The following ADAMTS18 variants were observed in gnomAD, a reference collection of about 807,000 sequenced individuals.
The protein encoded by ADAMTS18 is A disintegrin and metalloproteinase with thrombospondin motifs 18.
ADAMTS18 carries 157 observed loss-of-function variants against 165.9 expected under a neutral mutation model. That is an observed-to-expected ratio of 0.95 (90% confidence interval 0.83 to 1.08). ADAMTS18 has a LOEUF of 1.08. Among genes scored for constraint, ADAMTS18 ranks in the 50% least tolerant of loss-of-function variants. The pLI is 0.00. For synonymous variants in ADAMTS18, 782 were observed against 578.2 expected (o/e 1.35, Z -5.06); for missense variants, 2,040 against 1,534.0 (o/e 1.33, Z -5.51).
intron 3 of ADAMTS18, among the ~76,000 whole-genome samples, chr16:77,374,209 A>T (rs1382717928): frequency 7.0e-6 from 1 of 141,984 alleles, no homozygotes; most frequent in Non-Finnish European, 1.5e-5. Context: ...ACAGAGTGAG[A>T]CTCCATCTCA....
rs1417157258 is a variant in ADAMTS18 at position 77,283,176 on chromosome 16, C to A, written c.*780G>T. The A allele has an allele frequency of 2.0e-5, 3 of 152,434 alleles. No individual in the cohort carries two copies. The highest frequency in any genetic ancestry group is 4.4e-5 in the Non-Finnish European group (3 of 68,002). 9.4% of individuals were successfully genotyped at this position (152,434 alleles called of 1,614,324 possible). A position where few individuals can be genotyped will look rare whatever the true frequency, so the allele number is the denominator to read the frequency against. ...TTTCATGGACTGATTCAGCAAGCAC[C>A]AAAAGTTACGAGGTTGATAACATGT... On this transcript the variant is annotated 3_prime_UTR_variant, in exon 23 of 23. Transcript: ENST00000282849.
rs1349979850 is a variant in ADAMTS18, at chr16:77,283,338, T to C, written c.*618A>G. 1 of 152,970 alleles carries C rather than the reference T, an allele frequency of 6.5e-6. No individual in the cohort carries two copies. Among genetic ancestry groups the C allele is most frequent in the Non-Finnish European group, 1.5e-5 (1 of 68,336 alleles). The allele number at this position is 152,970 out of a possible 1,614,324, so 9.5% of individuals were successfully genotyped here. ...ACTTTTCAAGTTGTCAATTTTAGTCTCAGAGACTCTCTATAAGCAGAATAT... is the reference window on the plus strand; with the variant it reads ...ACTTTTCAAGTTGTCAATTTTAGTCCCAGAGACTCTCTATAAGCAGAATAT... On this transcript the variant is annotated 3_prime_UTR_variant, in exon 23 of 23. Transcript: ENST00000282849.
intron 12 of ADAMTS18, among the ~76,000 whole-genome samples, chr16:77,327,918 T>C (rs1197266391): frequency 6.6e-6 from 1 of 152,196 alleles, no homozygotes; most frequent in African/African-American, 2.4e-5. Context: ...CCAATCCAGC[T>C]GTCAGTCATA....
chr16:77,320,474 A>T (rs1033027978), intron 15 of ADAMTS18, among the ~76,000 whole-genome samples: 1 of 152,170 alleles, frequency 6.6e-6, no homozygotes, highest in Non-Finnish European at 1.5e-5. Flanking sequence ...CCCTACCTTT[A>T]CTAAAAATAC....
intron 3 of ADAMTS18, among the ~76,000 whole-genome samples, chr16:77,412,229 T>G (rs2057474093): frequency 6.6e-6 from 1 of 152,206 alleles, no homozygotes; most frequent in Non-Finnish European, 1.5e-5. Flanking sequence ...ACTCAGACTG[T>G]AACTCGTACC....
chr16:77,434,823 G>A lies in ADAMTS18; in HGVS notation c.-128C>T. 9.4e-6 allele frequency: 7 copies of A among 743,910 alleles called. No individual in the cohort carries two copies. Among genetic ancestry groups the A allele is most frequent in the Non-Finnish European group, 1.3e-5 (7 of 535,438 alleles). The allele number at this position is 743,910 out of a possible 1,614,324, so 46.1% of individuals were successfully genotyped here. ...GCGGCTCCAGGTGAGAGCCGCCGCC[G>A]TTCACATCGCAGCGGGGGCGCGCTG... On this transcript the variant is annotated 5_prime_UTR_variant, in exon 1 of 23. It adds an upstream start codon to the 5' untranslated region. Transcript: ENST00000282849.
At position 77,316,136 on chromosome 16, in the gene ADAMTS18, C is replaced by A. The variant is rs1237575748; in HGVS notation, c.2532+3713G>T. On this transcript the variant is annotated intron_variant, in intron 16 of 22. Transcript: ENST00000282849. ...TGCAAACAGATCCACTTCCTGCCACCTTCACAGTCACCATCTGTTTCAGCG... is the reference window on the plus strand; with the variant it reads ...TGCAAACAGATCCACTTCCTGCCACATTCACAGTCACCATCTGTTTCAGCG... Among the ~76,000 whole-genome samples the A allele has an allele frequency of 2.0e-5, 3 of 152,210 alleles. No individual in the cohort carries two copies. In the East Asian group the frequency reaches 5.8e-4, roughly 29 times the overall value.
intron 3 of ADAMTS18, among the ~76,000 whole-genome samples, chr16:77,406,353 C>T (rs1253824839): frequency 1.3e-5 from 2 of 152,026 alleles, no homozygotes; most frequent in South Asian, 4.1e-4. Context: ...TAGAGGGTAT[C>T]TCAAAAGAAA....
chr16:77,360,322 A>G (rs1477549353), intron 7 of ADAMTS18, among the ~76,000 whole-genome samples: 2 of 152,248 alleles, frequency 1.3e-5, no homozygotes, highest in Non-Finnish European at 2.9e-5. Flanking sequence ...GTATGTATTT[A>G]TAGCTTAGGA....
At chr16:77,409,718 A>G (rs541000769) in intron 3 of ADAMTS18, among the ~76,000 whole-genome samples, 1 of 152,298 alleles carries the variant, frequency 6.6e-6, no homozygotes, top group East Asian at 1.9e-4. Flanking sequence ...AGCTCAGCTA[A>G]AAGCTAGGCT....
intron 3 of ADAMTS18, among the ~76,000 whole-genome samples, chr16:77,373,724 AT>A (rs1411687391): frequency 1.3e-5 from 2 of 152,190 alleles, no homozygotes; most frequent in Admixed American, 6.5e-5. Flanking sequence ...AAATAAAAAA[AT>A]AACATGAAGA....
In ADAMTS18 at chr16:77,367,737, C is replaced by T; in HGVS notation, c.496-14G>A. On this transcript the variant is annotated splice_polypyrimidine_tract_variant and intron_variant, in intron 3 of 22. Coordinates refer to ENST00000282849, the MANE Select transcript of ADAMTS18 (RefSeq NM_199355.4). ...TATTAAACCTGACTAAAAAGCCAAACACAAAGCAAACAGTCATGATTCCAT... is the reference window on the plus strand; with the variant it reads ...TATTAAACCTGACTAAAAAGCCAAATACAAAGCAAACAGTCATGATTCCAT... The T allele has an allele frequency of 6.2e-7, 1 of 1,614,180 alleles. No homozygotes were observed. Among genetic ancestry groups the T allele is most frequent in the Non-Finnish European group, 8.5e-7 (1 of 1,180,022 alleles).
chr16:77,365,919 T>A (rs1208344346), intron 4 of ADAMTS18, among the ~76,000 whole-genome samples: 1 of 152,238 alleles, frequency 6.6e-6, no homozygotes, highest in African/African-American at 2.4e-5. Context: ...CACTTGTTTA[T>A]AAGGTTGTTG....
intron 3 of ADAMTS18, among the ~76,000 whole-genome samples, chr16:77,390,634 G>A (rs1430264818): frequency 6.6e-6 from 1 of 151,576 alleles, no homozygotes; most frequent in African/African-American, 2.4e-5. Context: ...AGGTTGCAGT[G>A]AGTGGAGATC....
chr16:77,348,417 C>A (rs984021931), intron 10 of ADAMTS18, among the ~76,000 whole-genome samples: 3 of 152,204 alleles, frequency 2.0e-5, no homozygotes, highest in Non-Finnish European at 4.4e-5. Flanking sequence ...AGTCTCCCAT[C>A]CGAGGCAGGC....
chr16:77,387,112 C>T (rs1294189562), intron 3 of ADAMTS18, among the ~76,000 whole-genome samples: 1 of 152,194 alleles, frequency 6.6e-6, no homozygotes, highest in Non-Finnish European at 1.5e-5. Context: ...GGCAAATGCA[C>T]ATGCGGTTAA....
At chr16:77,328,577 T>C (rs1394405211) in intron 12 of ADAMTS18, among the ~76,000 whole-genome samples, 1 of 152,232 alleles carries the variant, frequency 6.6e-6, no homozygotes, top group East Asian at 1.9e-4. Context: ...GCAGCCATTG[T>C]GATAAATCAA....
Position 77,434,415 on chromosome 16 carries a change from A to G in ADAMTS18, c.178+3T>C. ...TTCTTGGGGATGGGGGGCAAATACGAACCATCATTTAATCCGCTGGCGCCG... is the reference window on the plus strand; with the variant it reads ...TTCTTGGGGATGGGGGGCAAATACGGACCATCATTTAATCCGCTGGCGCCG... On this transcript the variant is annotated splice_donor_region_variant and intron_variant, in intron 2 of 22. Coordinates refer to ENST00000282849, the MANE Select transcript of ADAMTS18 (RefSeq NM_199355.4). The G allele has an allele frequency of 6.4e-7, 1 of 1,568,552 alleles. No homozygotes were observed. Among genetic ancestry groups the G allele is most frequent in the Non-Finnish European group, 8.6e-7 (1 of 1,163,448 alleles).
At chr16:77,313,174 C>CTA (rs2055815660) in intron 16 of ADAMTS18, among the ~76,000 whole-genome samples, 1 of 152,056 alleles carries the variant, frequency 6.6e-6, no homozygotes, top group Non-Finnish European at 1.5e-5. Context: ...AACCATCATT[C>CTA]TCAGCAAACT....
Sources: allele counts gnomAD v4.1 joint callset (sites outside exome capture counted in the v4.1 genomes callset), GRCh38; gene constraint gnomAD v4.1.1; transcripts MANE v1.5; gene names NCBI Gene and HGNC (gene_info 2026-07-23, HGNC 2026-07-21).